The following DUSP16 variants were observed in gnomAD, a reference collection of about 807,000 sequenced individuals.
The protein encoded by DUSP16 is dual specificity protein phosphatase 16.
DUSP16 carries 21 observed loss-of-function variants against 58.3 expected under a neutral mutation model. That is an observed-to-expected ratio of 0.36 (90% CI 0.26 to 0.52). DUSP16 has a LOEUF of 0.52. Among genes scored for constraint, DUSP16 ranks in the 20% least tolerant of loss-of-function variants. DUSP16 has a pLI of 0.94. For missense variants in DUSP16, 726 were observed against 819.0 expected, an observed-to-expected ratio of 0.89 and a Z score of 1.39; for synonymous variants, 320 against 323.8, an observed-to-expected ratio of 0.99 and a Z score of 0.12.
In DUSP16 at chr12:12,560,240, G is replaced by GA. The variant is rs201109235; in HGVS notation, c.-366+1876dup. 4.6e-3 allele frequency among the ~76,000 whole-genome samples: 678 copies of GA among 147,230 alleles called. 9 individuals are homozygous for GA. Among genetic ancestry groups the GA allele is most frequent in the African/African-American group, 0.015 (616 of 40,126 alleles). On this transcript the variant is annotated intron_variant, in intron 1 of 6. Coordinates refer to ENST00000298573, the MANE Select transcript of DUSP16 (RefSeq NM_030640.3). ...TATAGCAGAGGTTAATACTAAAAAA[G>GA]AAAAAAAAAATTAATTACCACAGTT...
At chr12:12,524,767 C>CT (rs1240366145) in intron 1 of DUSP16, among the ~76,000 whole-genome samples, 1 of 152,090 alleles carries the variant, frequency 6.6e-6, no homozygotes, top group African/African-American at 2.4e-5. Flanking sequence ...AGTTGAAATA[C>CT]TTTCTTTAGA....
At chr12:12,520,759 A>T in intron 2 of DUSP16, 112 bp downstream of exon 2, 1 of 1,313,858 alleles carries the variant, frequency 7.6e-7, no homozygotes, top group Non-Finnish European at 1.0e-6. Flanking sequence ...TTTAAAAAGC[A>T]ACCAAAACTT....
intron 4 of DUSP16, among the ~76,000 whole-genome samples, chr12:12,500,229 T>A (rs1021694828): frequency 6.6e-6 from 1 of 152,208 alleles, no homozygotes; most frequent in Non-Finnish European, 1.5e-5. Flanking sequence ...GATCAATTAA[T>A]ACCCTAAGAA....
At position 12,562,622 on chromosome 12, in the gene DUSP16, C is replaced by G. The variant is rs1256950647; in HGVS notation, c.-871G>C. 1.3e-5 allele frequency among the ~76,000 whole-genome samples: 2 copies of G among 152,044 alleles called. No individual in the cohort carries two copies. The highest frequency in any genetic ancestry group is 4.8e-5 in the African/African-American group (2 of 41,424). Reference sequence around the variant, plus strand: ...GAGTCGCTGGTCAGGAAACTTCAAGCGCGGATGAGGTCATTGGTTTAAAAA... The same window carrying G: ...GAGTCGCTGGTCAGGAAACTTCAAGGGCGGATGAGGTCATTGGTTTAAAAA... On this transcript the variant is annotated 5_prime_UTR_variant, in exon 1 of 7. Coordinates refer to ENST00000298573, the MANE Select transcript of DUSP16 (RefSeq NM_030640.3).
At position 12,477,734 on chromosome 12, in the gene DUSP16, ACGCTGGG is replaced by A. The variant is rs762478161; in HGVS notation, c.1090_1096del (p.Pro364CysfsTer6). Reference sequence around the variant, plus strand: ...GCTGTCCTCTAACAGCGACGGCTGCACGCTGGGCACGCTGGGCACGCTGGCGGGATGC... The same window carrying A: ...GCTGTCCTCTAACAGCGACGGCTGCACACGCTGGGCACGCTGGCGGGATGC... On this transcript the variant is annotated frameshift_variant, in exon 7 of 7. Transcript: ENST00000298573. LOFTEE classifies it high-confidence loss of function. This position sits in a 1 kb window ranked among gnomAD's most constrained non-coding sequence, Gnocchi z 4.1. 11 of 1,419,756 alleles carry A rather than the reference ACGCTGGG, an allele frequency of 7.7e-6. No homozygotes were observed. Among genetic ancestry groups the A allele is most frequent in the Middle Eastern group, 1.9e-4 (1 of 5,350 alleles). 87.9% of individuals were successfully genotyped at this position (1,419,756 alleles called of 1,614,324 possible).
At chr12:12,494,137 A>T (rs1233020362) in intron 4 of DUSP16, among the ~76,000 whole-genome samples, 2 of 152,126 alleles carry the variant, frequency 1.3e-5, no homozygotes, top group East Asian at 3.9e-4. Context: ...TTCCTTGCAC[A>T]TTTTCATTTT....
At chr12:12,509,306 C>T (rs1459404680) in intron 3 of DUSP16, among the ~76,000 whole-genome samples, 2 of 152,148 alleles carry the variant, frequency 1.3e-5, no homozygotes, top group African/African-American at 4.8e-5. Flanking sequence ...TTTTGTATTT[C>T]CTTCTAAACC....
In DUSP16 at chr12:12,477,728, G is replaced by GGCT. The variant is rs760095663; in HGVS notation, c.1100_1102dup (p.Gln367dup). The GGCT allele has an allele frequency of 1.1e-5, 18 of 1,610,070 alleles. No homozygotes were observed. In the South Asian group the frequency reaches 1.9e-4, roughly 17 times the overall value. ...CAGCGGGCTGTCCTCTAACAGCGAC[G>GGCT]GCTGCACGCTGGGCACGCTGGGCAC... is the stretch of plus-strand genomic sequence containing the variant. On this transcript the variant is annotated inframe_insertion, in exon 7 of 7. Coordinates refer to ENST00000298573, the MANE Select transcript of DUSP16 (RefSeq NM_030640.3). This position sits in a 1 kb window ranked among gnomAD's most constrained non-coding sequence, Gnocchi z 4.1.
chr12:12,560,699 A>G (rs572755883), intron 1 of DUSP16: 12 of 152,324 alleles, frequency 7.9e-5, no homozygotes, highest in Admixed American at 7.8e-4. Context: ...TGTGATACTC[A>G]AGGAAAAGTA....
chr12:12,479,752 G>C lies in DUSP16; in HGVS notation c.815+471C>G, dbSNP rs567590053. ...ACAATCTGGCCGACTCTAGAATGTA[G>C]GAAATTTTACTGAAGAATGGAGTCT... On this transcript the variant is annotated intron_variant, in intron 6 of 6. Transcript: ENST00000298573. Among the ~76,000 whole-genome samples, 12 of 152,246 alleles carry C rather than the reference G, an allele frequency of 7.9e-5. No homozygotes were observed. In the South Asian group the frequency reaches 2.3e-3, roughly 29 times the overall value.
At chr12:12,531,620 A>C (rs993410096) in intron 1 of DUSP16, among the ~76,000 whole-genome samples, 8 of 152,370 alleles carry the variant, frequency 5.3e-5, no homozygotes, top group Middle Eastern at 3.4e-3. Context: ...TCTCCTTTAA[A>C]CTACTTTTGG....
intron 1 of DUSP16, among the ~76,000 whole-genome samples, chr12:12,558,558 G>T (rs530850771): frequency 2.6e-5 from 4 of 151,852 alleles, no homozygotes; most frequent in Non-Finnish European, 5.9e-5. Flanking sequence ...CTAATTTTTT[G>T]ATTTTCTGTG....
intron 4 of DUSP16, among the ~76,000 whole-genome samples, chr12:12,492,404 T>C (rs2136203279): frequency 6.6e-6 from 1 of 152,300 alleles, no homozygotes; most frequent in African/African-American, 2.4e-5. Context: ...CCAGATATAA[T>C]GCCTTCCCAC....
At chr12:12,506,536 T>A (rs1306787162) in intron 3 of DUSP16, among the ~76,000 whole-genome samples, 1 of 152,208 alleles carries the variant, frequency 6.6e-6, no homozygotes, top group Non-Finnish European at 1.5e-5. Context: ...TCTTGCCAAG[T>A]TTCTCCTATT....
chr12:12,521,481 G>T lies in DUSP16; in HGVS notation c.-365-18C>A. The stretch of plus-strand genomic sequence containing the variant: ...CTGAAAGCCTACGCGGAGAGAGAAA[G>T]ACAGAAAACAAAACGTGAGGTCAAA... On this transcript the variant is annotated intron_variant, in intron 1 of 6. Transcript: ENST00000298573. 9.7e-7 allele frequency: 1 copy of T among 1,033,810 alleles called. No homozygotes were observed. The highest frequency in any genetic ancestry group is 1.2e-6 in the Non-Finnish European group (1 of 856,478). 64.0% of individuals were successfully genotyped at this position (1,033,810 alleles called of 1,614,324 possible).
rs755653705 is a variant in DUSP16, at chr12:12,477,904, G to T, written c.927C>A (p.Ser309Arg). Residue 309 changes from serine to arginine, a missense_variant, in exon 7 of 7, where the codon AGC becomes AGA. Transcript: ENST00000298573. This position sits in a 1 kb window ranked among gnomAD's most constrained non-coding sequence, Gnocchi z 4.1. ...TCTCCAGGTGCAGCAGCTTGAGTTT[G>T]CTCTTTGGCCCTGATGCTCCAGTCT... ...KNQTGASGPKSKLKLLHLEKP... is the reference protein window; with the variant it reads ...KNQTGASGPKRKLKLLHLEKP... 1 of 1,614,184 alleles carries T rather than the reference G, an allele frequency of 6.2e-7. No homozygotes were observed. The highest frequency in any genetic ancestry group is 8.5e-7 in the Non-Finnish European group (1 of 1,180,046).
At chr12:12,497,142 T>C (rs914962031) in intron 4 of DUSP16, among the ~76,000 whole-genome samples, 3 of 152,282 alleles carry the variant, frequency 2.0e-5, no homozygotes, top group African/African-American at 7.2e-5. Flanking sequence ...TGATTGCATG[T>C]TGAAATACTA....
chr12:12,532,494 G>T (rs1296484154), intron 1 of DUSP16, among the ~76,000 whole-genome samples: 1 of 152,098 alleles, frequency 6.6e-6, no homozygotes, highest in Non-Finnish European at 1.5e-5. Flanking sequence ...GTTTTACTTA[G>T]GTAATTAAAC....
intron 1 of DUSP16, among the ~76,000 whole-genome samples, chr12:12,545,827 C>T (rs951667238): frequency 2.0e-5 from 3 of 152,174 alleles, no homozygotes; most frequent in Non-Finnish European, 2.9e-5. Flanking sequence ...CTATAAACTA[C>T]AATCTAGCCA....
Sources: allele counts gnomAD v4.1 joint callset (sites outside exome capture counted in the v4.1 genomes callset), GRCh38; gene constraint gnomAD v4.1.1; non-coding constraint Gnocchi (gnomAD v3.1); transcripts MANE v1.5; gene names NCBI Gene and HGNC (gene_info 2026-07-23, HGNC 2026-07-21).